The following LINGO2 variants were observed in gnomAD, a reference collection of about 807,000 sequenced individuals.
LINGO2 encodes the protein leucine-rich repeat and immunoglobulin-like domain-containing nogo receptor-interacting protein 2.
In LINGO2, 14 loss-of-function variants were observed where a neutral mutation model predicts 30.6. That is an observed-to-expected ratio of 0.46 (90% confidence interval 0.30 to 0.72). The LOEUF is 0.72. Ranked by LOEUF, LINGO2 falls within the 30% of genes least tolerant of loss-of-function variation. LINGO2 has a pLI of 0.07. For missense variants in LINGO2, 729 were observed against 751.7 expected (o/e 0.97, Z 0.35); for synonymous variants, 317 against 288.5 (o/e 1.10, Z -1.00).
At chr9:28,200,576 T>C (rs1485505361) in intron 4 of LINGO2, among the ~76,000 whole-genome samples, 2 of 152,196 alleles carry the variant, frequency 1.3e-5, no homozygotes, top group Non-Finnish European at 2.9e-5. Flanking sequence ...TAGTATTTAA[T>C]CAGGACATAC....
At chr9:28,033,095 C>G (rs1458850125) in intron 4 of LINGO2, among the ~76,000 whole-genome samples, 1 of 152,138 alleles carries the variant, frequency 6.6e-6, no homozygotes, top group Non-Finnish European at 1.5e-5. Flanking sequence ...GCCTGAAACC[C>G]TCTGCATTTG....
chr9:28,936,364 T>C, the LINGO2 span, among the ~76,000 whole-genome samples: 1 of 152,272 alleles, frequency 6.6e-6, no homozygotes, highest in East Asian at 1.9e-4. Flanking sequence ...GAACAGAAGG[T>C]CACCAAAAAA....
chr9:28,366,839 T>G (rs1303735516), intron 3 of LINGO2, among the ~76,000 whole-genome samples: 1 of 152,136 alleles, frequency 6.6e-6, no homozygotes, highest in Admixed American at 6.5e-5. Flanking sequence ...AATATATTAA[T>G]GGTACACTAA....
At chr9:28,598,256 G>A (rs891984641) in intron 1 of LINGO2, among the ~76,000 whole-genome samples, 4 of 151,842 alleles carry the variant, frequency 2.6e-5, no homozygotes, top group African/African-American at 9.7e-5. Flanking sequence ...CAAAATGCAA[G>A]CAAAAGTTCT....
At chr9:29,044,357 T>G in the LINGO2 span, among the ~76,000 whole-genome samples, 4 of 152,010 alleles carry the variant, frequency 2.6e-5, no homozygotes, top group Non-Finnish European at 4.4e-5. Context: ...TTTTGTATAC[T>G]CTGACATATT....
chr9:28,053,932 A>G (rs1824796078), intron 4 of LINGO2, among the ~76,000 whole-genome samples: 1 of 152,096 alleles, frequency 6.6e-6, no homozygotes. Flanking sequence ...ACAACTGAGT[A>G]ACAGATATGG....
At chr9:28,908,310 T>C in the LINGO2 span, among the ~76,000 whole-genome samples, 6 of 108,666 alleles carry the variant, frequency 5.5e-5, no homozygotes, top group African/African-American at 1.6e-4. Context: ...GGTGACCTCT[T>C]TCACATTCTC....
At chr9:28,877,842 C>A in the LINGO2 span, among the ~76,000 whole-genome samples, 1 of 152,050 alleles carries the variant, frequency 6.6e-6, no homozygotes. Flanking sequence ...TTACCTTGGG[C>A]AGTATGGCCA....
At chr9:28,183,272 G>A (rs1420125263) in intron 4 of LINGO2, among the ~76,000 whole-genome samples, 2 of 152,072 alleles carry the variant, frequency 1.3e-5, no homozygotes, top group African/African-American at 4.8e-5. Context: ...CATGGACACA[G>A]GAAGGTGAGC....
At chr9:28,743,107 G>T in the LINGO2 span, among the ~76,000 whole-genome samples, 1 of 151,896 alleles carries the variant, frequency 6.6e-6, no homozygotes, top group African/African-American at 2.4e-5. Flanking sequence ...AGGCAAGTCT[G>T]CTAGCAATGG....
the LINGO2 span, among the ~76,000 whole-genome samples, chr9:28,895,558 A>C: frequency 4.6e-5 from 7 of 152,006 alleles, no homozygotes; most frequent in Non-Finnish European, 1.0e-4. Context: ...TTCCTTTAAA[A>C]CCTTTGTCTT....
exon 6 of LINGO2, chr9:27,948,911 A>G (rs747950023): frequency 3.1e-6 from 5 of 1,613,882 alleles, no homozygotes; most frequent in African/African-American, 1.3e-5. Flanking sequence ...CAACAGCACC[A>G]TTGTTTTTTC....
intron 4 of LINGO2, among the ~76,000 whole-genome samples, chr9:28,188,712 G>T (rs1819633716): frequency 6.6e-6 from 1 of 152,106 alleles, no homozygotes; most frequent in Non-Finnish European, 1.5e-5. Context: ...CAAGGAAAAT[G>T]CAGAAATGGT....
chr9:27,992,128 A>T (rs1821426916), intron 5 of LINGO2, among the ~76,000 whole-genome samples: 1 of 152,022 alleles, frequency 6.6e-6, no homozygotes, highest in Non-Finnish European at 1.5e-5. Context: ...GTGGCCCCCA[A>T]ATAACTCACC....
chr9:28,982,176 T>C, the LINGO2 span, among the ~76,000 whole-genome samples: 7 of 152,216 alleles, frequency 4.6e-5, no homozygotes, highest in East Asian at 1.9e-4. Flanking sequence ...GTCTGTGGGA[T>C]AGGGGAAGGA....
chr9:29,210,544 C>T, the LINGO2 span, among the ~76,000 whole-genome samples: 1 of 152,094 alleles, frequency 6.6e-6, no homozygotes, highest in East Asian at 1.9e-4. Flanking sequence ...GGGACTTCAT[C>T]AAGATATATA....
intron 4 of LINGO2, among the ~76,000 whole-genome samples, chr9:28,179,195 C>T (rs112662510): frequency 0.048 from 6,647 of 137,640 alleles, 499 homozygotes; most frequent in African/African-American, 0.16. Flanking sequence ...AATAGCATCT[C>T]TAAGAGCTGA....
intron 1 of LINGO2, among the ~76,000 whole-genome samples, chr9:28,553,852 T>C (rs1011967438): frequency 5.3e-5 from 8 of 152,050 alleles, no homozygotes; most frequent in Non-Finnish European, 1.0e-4. Context: ...TTCAACATTC[T>C]TGAAGAAAAG....
the LINGO2 span, among the ~76,000 whole-genome samples, chr9:28,775,825 G>C: frequency 5.9e-5 from 9 of 152,160 alleles, no homozygotes; most frequent in South Asian, 6.2e-4. Flanking sequence ...TACTTTGTTC[G>C]TTCACTCTTT....
Sources: gnomAD v4.1 joint callset for allele counts (sites outside exome capture counted in the v4.1 genomes callset) on GRCh38, gnomAD v4.1.1 for gene constraint, MANE v1.5 for transcripts, NCBI Gene and HGNC (gene_info 2026-07-23, HGNC 2026-07-21) for gene names.